TRPC3: variants seen among roughly 807,000 people sequenced by gnomAD.
The protein encoded by TRPC3 is short transient receptor potential channel 3.
In TRPC3, 54 loss-of-function variants were observed where a neutral mutation model predicts 90.9. The observed-to-expected ratio is 0.59, with a 90% CI of 0.48 to 0.75. The LOEUF (loss-of-function observed/expected upper bound fraction) is 0.75. TRPC3 is among the 30% of genes least tolerant of loss of function. TRPC3 has a pLI of 0.00. For missense variants in TRPC3, 918 were observed against 1,194.5 expected, an observed-to-expected ratio of 0.77 and a Z score of 3.41; for synonymous variants, 424 against 450.9, an observed-to-expected ratio of 0.94 and a Z score of 0.75.
At chr4:121,900,687 C>T (rs1728670942) in intron 9 of TRPC3, among the ~76,000 whole-genome samples, 1 of 152,156 alleles carries the variant, frequency 6.6e-6, no homozygotes, top group Non-Finnish European at 1.5e-5. Context: ...TATAATTTCT[C>T]CAAATTTCTG....
intron 9 of TRPC3, 26 bp from the exon 10 acceptor site, chr4:121,899,721 T>C (rs572377838): frequency 6.8e-7 from 1 of 1,462,170 alleles, no homozygotes; most frequent in South Asian, 1.1e-5. Flanking sequence ...ATTAACCTAG[T>C]AAATTAGAAT....
At position 121,932,322 on chromosome 4, in the gene TRPC3, T is replaced by C. The variant is rs560707996; in HGVS notation, c.936A>G (p.Leu312=). The C allele has an allele frequency of 2.5e-6, 4 of 1,614,170 alleles. No individual in the cohort carries two copies. The South Asian group carries it at 4.4e-5, about 18-fold the overall frequency. The change falls in exon 2 of 12, where the codon CTA becomes CTG. Residue 312 remains leucine (L), a synonymous_variant. Coordinates refer to ENST00000379645, the MANE Select transcript of TRPC3 (RefSeq NM_001130698.2). This position sits in a 1 kb window ranked among gnomAD's most constrained non-coding sequence, Gnocchi z 7.7. ...GCTTGGCCAGCTCGTTGCTGAGCTC[T>C]AGGGCCGTAAGCACCGGGTCCTCGC... ...LSSEDPVLTA[L]ELSNELAKLA...
At chr4:121,895,339 GA>G (rs1256639082) in intron 10 of TRPC3, among the ~76,000 whole-genome samples, 6 of 151,166 alleles carry the variant, frequency 4.0e-5, no homozygotes, top group African/African-American at 1.2e-4. Context: ...AAATAATAAA[GA>G]TTAGAGCAGA....
chr4:121,886,837 T>A (rs982314257), intron 10 of TRPC3, among the ~76,000 whole-genome samples: 1 of 151,718 alleles, frequency 6.6e-6, no homozygotes, highest in Non-Finnish European at 1.5e-5. Context: ...AAGTAGAGAG[T>A]TTATCTGGGC....
chr4:121,918,474 A>G (rs1218921915), intron 3 of TRPC3, among the ~76,000 whole-genome samples: 1 of 152,234 alleles, frequency 6.6e-6, no homozygotes, highest in African/African-American at 2.4e-5. Flanking sequence ...ACATATTTAT[A>G]AAGATTGCAC....
chr4:121,947,736 T>A (rs1730542480), intron 1 of TRPC3, among the ~76,000 whole-genome samples: 1 of 152,164 alleles, frequency 6.6e-6, no homozygotes, highest in African/African-American at 2.4e-5. Flanking sequence ...AAACACAAAT[T>A]AACTACTTTT....
Position 121,951,894 on chromosome 4 carries a change from A to C in TRPC3, c.-214T>G. ...AGCCGAGCTGCCGCCGCCCACCATC[A>C]AACCGTGGGAGCAGCTGCCGCGGCC... is the stretch of plus-strand genomic sequence containing the variant. On this transcript the variant is annotated 5_prime_UTR_variant, in exon 1 of 12. Coordinates refer to ENST00000379645, the MANE Select transcript of TRPC3 (RefSeq NM_001130698.2). This position sits in a 1 kb window ranked among gnomAD's most constrained non-coding sequence, Gnocchi z 4.4. 2.8e-6 allele frequency: 1 copy of C among 354,366 alleles called. No homozygotes were observed. The allele number at this position is 354,366 out of a possible 1,614,324, so 22.0% of individuals were successfully genotyped here. A position where few individuals can be genotyped will look rare whatever the true frequency, so the allele number is the denominator to read the frequency against.
At chr4:121,944,427 G>A (rs986153159) in intron 1 of TRPC3, among the ~76,000 whole-genome samples, 1 of 150,208 alleles carries the variant, frequency 6.7e-6, no homozygotes, top group African/African-American at 2.5e-5. Flanking sequence ...GGGGGAGGGT[G>A]GGGGAGTAAA....
chr4:121,917,422 CTTCA>C (rs758433676), intron 3 of TRPC3, among the ~76,000 whole-genome samples: 3 of 152,112 alleles, frequency 2.0e-5, no homozygotes, highest in Middle Eastern at 3.2e-3. Flanking sequence ...CCTAAATGTC[CTTCA>C]TTCATTCATT....
rs754569122 is a variant in TRPC3 at position 121,925,174 on chromosome 4, T to C, written c.1020A>G (p.Lys340=). The C allele has an allele frequency of 6.2e-6, 10 of 1,613,226 alleles. No individual in the cohort carries two copies. The highest frequency in any genetic ancestry group is 1.7e-5 in the Admixed American group (1 of 59,822). Residue 340 remains lysine, a synonymous_variant, in exon 3 of 12, where the codon AAA becomes AAG. Coordinates refer to ENST00000379645, the MANE Select transcript of TRPC3 (RefSeq NM_001130698.2). ...NDYRKLSMQC[K]DFVVGVLDLC... ...GATCCAGCACACCCACTACAAAGTCTTTGCATTGCATGGAGAGCTTCCGAT... is the reference window on the plus strand; with the variant it reads ...GATCCAGCACACCCACTACAAAGTCCTTGCATTGCATGGAGAGCTTCCGAT...
chr4:121,913,145 TC>T (rs1184916321), intron 4 of TRPC3, among the ~76,000 whole-genome samples: 1 of 152,222 alleles, frequency 6.6e-6, no homozygotes, highest in Non-Finnish European at 1.5e-5. Flanking sequence ...TGTCACATTT[TC>T]CATGTTAGAC....
chr4:121,875,757 A>T lies in TRPC3; in HGVS notation c.*3979T>A, dbSNP rs149252620. Among the ~76,000 whole-genome samples, 6 of 152,304 alleles carry T rather than the reference A, an allele frequency of 3.9e-5. No homozygotes were observed. Among genetic ancestry groups the T allele is most frequent in the Admixed American group, 6.5e-5 (1 of 15,296 alleles). ...AAACTGCATTAAAGTTAAAACCATC[A>T]ACACGCTAGTGGTGGTCAGCTGAGT... is the stretch of plus-strand genomic sequence containing the variant. On this transcript the variant is annotated 3_prime_UTR_variant, in exon 12 of 12. Transcript: ENST00000379645.
intron 9 of TRPC3, among the ~76,000 whole-genome samples, chr4:121,901,055 C>G (rs897721366): frequency 6.6e-6 from 1 of 152,146 alleles, no homozygotes; most frequent in Non-Finnish European, 1.5e-5. Context: ...CTCAACCTGA[C>G]GTTTAGTATT....
At chr4:121,934,685 G>A (rs927472939) in intron 1 of TRPC3, among the ~76,000 whole-genome samples, 2 of 152,314 alleles carry the variant, frequency 1.3e-5, no homozygotes, top group South Asian at 2.1e-4. Flanking sequence ...TGCCTGGGGT[G>A]GATGACTAAA....
chr4:121,933,035 C>T lies in TRPC3; in HGVS notation c.223G>A (p.Glu75Lys). 1 of 1,579,092 alleles carries T rather than the reference C, an allele frequency of 6.3e-7. No homozygotes were observed. Among genetic ancestry groups the T allele is most frequent in the Non-Finnish European group, 8.6e-7 (1 of 1,161,808 alleles). Residue 75 changes from glutamate (E) to lysine (K), a missense_variant, in exon 2 of 12, where the codon GAG becomes AAG. By Grantham distance (56) the Glu-to-Lys change is moderately conservative (BLOSUM62 1). Transcript: ENST00000379645. Reference sequence around the variant, plus strand: ...ATGCGTCTCAGGGATGGGCTTCCCTCCATGGACCTAATCAGTAGCAACGAT... The same window carrying T: ...ATGCGTCTCAGGGATGGGCTTCCCTTCATGGACCTAATCAGTAGCAACGAT... Reference protein sequence around the residue: ...PFSHGPDLSMEGSPSLRRMTV... With the variant: ...PFSHGPDLSMKGSPSLRRMTV...
At chr4:121,947,439 C>T (rs928071112) in intron 1 of TRPC3, among the ~76,000 whole-genome samples, 27 of 152,108 alleles carry the variant, frequency 1.8e-4, no homozygotes, top group African/African-American at 6.0e-4. Context: ...CACGCTAAGC[C>T]AAGACTGGAA....
intron 4 of TRPC3, among the ~76,000 whole-genome samples, chr4:121,914,498 A>C (rs1357080823): frequency 1.8e-4 from 27 of 152,230 alleles, no homozygotes; most frequent in Admixed American, 1.7e-3. Flanking sequence ...TACAAGGGCT[A>C]CTTCACTCAA....
At chr4:121,933,755 C>T (rs1730034672) in intron 1 of TRPC3, among the ~76,000 whole-genome samples, 1 of 152,140 alleles carries the variant, frequency 6.6e-6, no homozygotes, top group Admixed American at 6.5e-5. Flanking sequence ...GGACTACAGG[C>T]ACATGCCACT....
At chr4:121,935,453 TATA>T (rs1730099270) in intron 1 of TRPC3, among the ~76,000 whole-genome samples, 1 of 151,056 alleles carries the variant, frequency 6.6e-6, no homozygotes. Flanking sequence ...TGTGTGTTGG[TATA>T]ATAATGACTT....
Sources: gnomAD v4.1 joint callset for allele counts (sites outside exome capture counted in the v4.1 genomes callset) on GRCh38, gnomAD v4.1.1 for gene constraint, Gnocchi (gnomAD v3.1) non-coding constraint, MANE v1.5 for transcripts, NCBI Gene and HGNC (gene_info 2026-07-23, HGNC 2026-07-21) for gene names.